The following TTC13 variants were observed in gnomAD, a reference collection of about 807,000 sequenced individuals.
TTC13 encodes the protein tetratricopeptide repeat domain 13, also known as tetratricopeptide repeat protein 13.
A neutral mutation model predicts 120.0 loss-of-function variants in TTC13; 62 were observed. The ratio of observed to expected loss-of-function variants is 0.52; its 90% confidence interval spans 0.42 to 0.64. TTC13 has a LOEUF of 0.64. TTC13 is among the 30% of genes least tolerant of loss of function. TTC13 has a pLI of 0.00. For missense variants in TTC13, 824 were observed against 1,050.2 expected, an observed-to-expected ratio of 0.78 and a Z score of 2.98; for synonymous variants, 384 against 393.5, an observed-to-expected ratio of 0.98 and a Z score of 0.28.
chr1:230,933,100 G>A (rs1033051947), intron 9 of TTC13, among the ~76,000 whole-genome samples: 1 of 152,050 alleles, frequency 6.6e-6, no homozygotes, highest in Admixed American at 6.5e-5. Flanking sequence ...AGCCTCCCAA[G>A]TAGTTGGGAT....
chr1:230,922,899 C>T (rs575595829), intron 15 of TTC13, among the ~76,000 whole-genome samples: 4 of 152,258 alleles, frequency 2.6e-5, no homozygotes, highest in East Asian at 1.9e-4. Context: ...GGCTGATCTA[C>T]GGTAGCCTTC....
chr1:230,955,231 T>C (rs1403837391), intron 3 of TTC13, among the ~76,000 whole-genome samples: 8 of 152,196 alleles, frequency 5.3e-5, no homozygotes, highest in Non-Finnish European at 1.2e-4. Flanking sequence ...AACATCACTA[T>C]TTTGATAACA....
chr1:230,961,108 C>G, intron 2 of TTC13, 101 bp downstream of exon 2: 1 of 816,302 alleles, frequency 1.2e-6, no homozygotes, highest in South Asian at 1.7e-5. Context: ...GTAGACTCAA[C>G]GAGGCCCAAC....
chr1:230,936,445 G>C (rs1444925847), intron 8 of TTC13: 4 of 335,158 alleles, frequency 1.2e-5, no homozygotes, highest in Non-Finnish European at 2.3e-5. Flanking sequence ...CACCACCCTA[G>C]GGCTGTTCCT....
Position 230,978,338 on chromosome 1 carries a change from C to T in TTC13, c.271+222G>A, listed in dbSNP as rs1414481021. Among the ~76,000 whole-genome samples, 1 of 152,148 alleles carries T rather than the reference C, an allele frequency of 6.6e-6. No homozygotes were observed. The highest frequency in any genetic ancestry group is 1.5e-5 in the Non-Finnish European group (1 of 68,004). On this transcript the variant is annotated intron_variant, in intron 1 of 22. Transcript: ENST00000366661. The surrounding 1 kb of genome is among the most constrained non-coding windows in gnomAD (Gnocchi z 5.6). The stretch of plus-strand genomic sequence containing the variant: ...AGGAGCATGCTGTCAGCTCATTTCT[C>T]GACTCGCCGCCCTGCCCAAAGGCGG...
intron 12 of TTC13, among the ~76,000 whole-genome samples, chr1:230,927,267 T>A (rs997910715): frequency 6.6e-6 from 1 of 152,184 alleles, no homozygotes; most frequent in African/African-American, 2.4e-5. Flanking sequence ...GAATCTTATA[T>A]CAAGTATGAG....
Position 230,925,348 on chromosome 1 carries a change from A to C in TTC13, c.1588+169T>G, listed in dbSNP as rs1672960909. Among the ~76,000 whole-genome samples the C allele has an allele frequency of 2.0e-5, 3 of 152,256 alleles. No individual in the cohort carries two copies. The South Asian group carries it at 6.2e-4, about 31-fold the overall frequency. ...TAGCAAAAAAGCCAAGGATGGAAGC[A>C]GTCTTCTTTCAGAATTCAGTTTGAA... On this transcript the variant is annotated intron_variant, in intron 13 of 22. Coordinates refer to ENST00000366661, the MANE Select transcript of TTC13 (RefSeq NM_024525.5).
At chr1:230,973,325 A>G (rs1487062698) in intron 1 of TTC13, among the ~76,000 whole-genome samples, 2 of 152,252 alleles carry the variant, frequency 1.3e-5, no homozygotes, top group East Asian at 3.8e-4. Flanking sequence ...TAAGAAAGCT[A>G]CCATATACAT....
chr1:230,943,541 A>G (rs1327627229), intron 6 of TTC13, among the ~76,000 whole-genome samples: 1 of 152,202 alleles, frequency 6.6e-6, no homozygotes. Context: ...TATCTATAGA[A>G]GTAGTACACG....
At position 230,923,691 on chromosome 1, in the gene TTC13, G is replaced by A. The variant is rs552294003; in HGVS notation, c.1814+150C>T. ...AGCTGGGCTAGAGGAAAGGAATGCA[G>A]GCAGGACTCCACAGGTGCAGAGTCA... On this transcript the variant is annotated intron_variant, in intron 15 of 22. Transcript: ENST00000366661. The A allele has an allele frequency of 1.6e-5, 10 of 606,868 alleles. No homozygotes were observed. In the South Asian group the frequency reaches 2.2e-4, roughly 13 times the overall value. The allele number at this position is 606,868 out of a possible 1,614,324, so 37.6% of individuals were successfully genotyped here. A position where few individuals can be genotyped will look rare whatever the true frequency, so the allele number is the denominator to read the frequency against.
At chr1:230,970,425 G>T (rs1185430752) in intron 1 of TTC13, among the ~76,000 whole-genome samples, 1 of 152,166 alleles carries the variant, frequency 6.6e-6, no homozygotes, top group Non-Finnish European at 1.5e-5. Context: ...GTATTTTCAG[G>T]ATGGTAGTTT....
At chr1:230,925,834 G>A (rs377470078) in intron 12 of TTC13, among the ~76,000 whole-genome samples, 187 bp from the exon 13 acceptor site, 3 of 152,208 alleles carry the variant, frequency 2.0e-5, no homozygotes, top group Non-Finnish European at 2.9e-5. Flanking sequence ...ATGATGGCAT[G>A]TGCATAATTG....
intron 12 of TTC13, 139 bp downstream of exon 12, chr1:230,928,798 A>C: frequency 1.3e-6 from 1 of 751,012 alleles, no homozygotes; most frequent in Non-Finnish European, 2.2e-6. Context: ...GCACAAGGAT[A>C]GTATGCTTGA....
intron 13 of TTC13, 51 bp from the exon 14 acceptor site, chr1:230,925,024 T>A (rs1672934688): frequency 6.2e-7 from 1 of 1,604,432 alleles, no homozygotes; most frequent in African/African-American, 1.3e-5. Context: ...AGGGACTGAG[T>A]TCCACCTACT....
chr1:230,932,791 G>T (rs1673672393), intron 9 of TTC13, among the ~76,000 whole-genome samples: 1 of 152,050 alleles, frequency 6.6e-6, no homozygotes, highest in Non-Finnish European at 1.5e-5. Context: ...TCCTGAATAA[G>T]GTACCTAATA....
intron 17 of TTC13, among the ~76,000 whole-genome samples, chr1:230,916,738 C>T (rs1234366231): frequency 2.0e-5 from 3 of 152,138 alleles, no homozygotes; most frequent in African/African-American, 7.2e-5. Flanking sequence ...CTGAAGAGTA[C>T]CCAGGATTAT....
intron 4 of TTC13, among the ~76,000 whole-genome samples, chr1:230,946,442 G>T (rs1417096788): frequency 6.6e-6 from 1 of 152,084 alleles, no homozygotes; most frequent in Non-Finnish European, 1.5e-5. Context: ...TAAAGGAGAA[G>T]ATAACACGCA....
At chr1:230,917,059 T>C (rs1171031170) in intron 17 of TTC13, among the ~76,000 whole-genome samples, 1 of 151,932 alleles carries the variant, frequency 6.6e-6, no homozygotes, top group Admixed American at 6.6e-5. Flanking sequence ...TGCTGCTTCA[T>C]GAGGGGAGAG....
At chr1:230,921,226 T>G (rs1672546362) in intron 16 of TTC13, among the ~76,000 whole-genome samples, 195 bp downstream of exon 16, 1 of 152,180 alleles carries the variant, frequency 6.6e-6, no homozygotes, top group Non-Finnish European at 1.5e-5. Context: ...TTAAAAACAC[T>G]TCAGTTGAGG....
Sources: gnomAD v4.1 joint callset for allele counts (sites outside exome capture counted in the v4.1 genomes callset) on GRCh38, gnomAD v4.1.1 for gene constraint, Gnocchi (gnomAD v3.1) non-coding constraint, MANE v1.5 for transcripts, NCBI Gene and HGNC (gene_info 2026-07-23, HGNC 2026-07-21) for gene names.